The following WIPF3 variants were observed in gnomAD, a reference collection of about 807,000 sequenced individuals.
WIPF3 encodes the protein WAS/WASL interacting protein family member 3, also known as WAS/WASL-interacting protein family member 3.
Under a neutral mutation model 38.9 loss-of-function variants are expected in WIPF3, and 33 were observed. The observed-to-expected ratio is 0.85, with a 90% CI of 0.64 to 1.14. WIPF3 has a LOEUF of 1.14. Among genes scored for constraint, WIPF3 ranks in the 50% most tolerant of loss-of-function variants. The pLI is 0.00. For missense variants in WIPF3, 711 were observed against 652.5 expected, an observed-to-expected ratio of 1.09 and a Z score of -0.98; for synonymous variants, 324 against 269.3, an observed-to-expected ratio of 1.20 and a Z score of -1.99.
At chr7:29,877,518 G>GTTA (rs1234687112) in intron 3 of WIPF3, among the ~76,000 whole-genome samples, 1 of 152,144 alleles carries the variant, frequency 6.6e-6, no homozygotes, top group Admixed American at 6.5e-5. Flanking sequence ...TTTTTGCTGT[G>GTTA]TTAATGGTAT....
intron 4 of WIPF3, among the ~76,000 whole-genome samples, chr7:29,880,838 CA>C (rs1391557163): frequency 1.3e-5 from 2 of 152,164 alleles, no homozygotes; most frequent in Non-Finnish European, 2.9e-5. Context: ...CATGTCAGGG[CA>C]AGGCAGGCCG....
chr7:29,849,283 A>G (rs1250683853), intron 2 of WIPF3, among the ~76,000 whole-genome samples: 2 of 152,138 alleles, frequency 1.3e-5, no homozygotes, highest in Admixed American at 6.6e-5. Flanking sequence ...AGCAACAGGA[A>G]TGTCAGAGAA....
Position 29,806,574 on chromosome 7 carries a change from T to C in WIPF3, c.-162T>C, listed in dbSNP as rs1784281334. The C allele has an allele frequency of 6.6e-6, 1 of 150,986 alleles. No homozygotes were observed. The highest frequency in any genetic ancestry group is 2.4e-5 in the African/African-American group (1 of 41,186). The allele number at this position is 150,986 out of a possible 1,614,324, so 9.4% of individuals were successfully genotyped here. A position where few individuals can be genotyped will look rare whatever the true frequency, so the allele number is the denominator to read the frequency against. On this transcript the variant is annotated 5_prime_UTR_variant, in exon 1 of 9. Coordinates refer to ENST00000242140, the MANE Select transcript of WIPF3 (RefSeq NM_001080529.3). ...GCAGCTCGGCGGTAGCGGCGCCGCT[T>C]GGAGCACGGGCGCTGCGGGACGGAG...
intron 5 of WIPF3, among the ~76,000 whole-genome samples, chr7:29,887,022 G>A (rs1023871698): frequency 4.6e-5 from 7 of 152,328 alleles, no homozygotes; most frequent in African/African-American, 1.7e-4. Flanking sequence ...AGGCAGTTGG[G>A]AGGAAGAAAA....
intron 5 of WIPF3, 148 bp from the exon 6 acceptor site, chr7:29,887,920 G>A (rs1785915626): frequency 1.1e-6 from 1 of 914,786 alleles, no homozygotes; most frequent in Non-Finnish European, 1.6e-6. Flanking sequence ...CTGCAATTCA[G>A]TGCCAAGCAG....
chr7:29,852,265 C>T (rs183941400), intron 2 of WIPF3, among the ~76,000 whole-genome samples: 2 of 152,326 alleles, frequency 1.3e-5, no homozygotes, highest in African/African-American at 4.8e-5. Context: ...CTTGGCCTCC[C>T]AAAGCATAGG....
chr7:29,813,370 AAGCCCAGCATTTGAC>A (rs1784410075), intron 1 of WIPF3, among the ~76,000 whole-genome samples: 1 of 152,156 alleles, frequency 6.6e-6, no homozygotes, highest in African/African-American at 2.4e-5. Flanking sequence ...TAAGGTCCAA[AAGCCCAGCATTTGAC>A]AGCCTGGCAT....
At chr7:29,872,728 G>T (rs887395237) in intron 2 of WIPF3, among the ~76,000 whole-genome samples, 2 of 147,856 alleles carry the variant, frequency 1.4e-5, no homozygotes, top group African/African-American at 5.0e-5. Context: ...CCCGGGAAGC[G>T]GAGCTTGCAG....
chr7:29,865,072 C>G (rs1033668275), intron 2 of WIPF3, among the ~76,000 whole-genome samples: 5 of 152,192 alleles, frequency 3.3e-5, no homozygotes, highest in Non-Finnish European at 7.3e-5. Context: ...CTCCTTTAAT[C>G]TGCACTACAA....
rs539781648 is a variant in WIPF3 at position 29,842,793 on chromosome 7, G to A, written c.90+7979G>A. Reference sequence around the variant, plus strand: ...GGGGCAGAGGGTCGCTAGGTGGAAGGGTGCTTAGTAGAATTGCATATTGCA... The same window carrying A: ...GGGGCAGAGGGTCGCTAGGTGGAAGAGTGCTTAGTAGAATTGCATATTGCA... On this transcript the variant is annotated intron_variant, in intron 2 of 8. Coordinates refer to ENST00000242140, the MANE Select transcript of WIPF3 (RefSeq NM_001080529.3). Among the ~76,000 whole-genome samples the A allele has an allele frequency of 7.9e-5, 12 of 152,244 alleles. No homozygotes were observed. In the East Asian group the frequency reaches 1.3e-3, roughly 17 times the overall value.
At chr7:29,889,918 T>G (rs961936773) in intron 7 of WIPF3, among the ~76,000 whole-genome samples, 2 of 152,090 alleles carry the variant, frequency 1.3e-5, no homozygotes, top group Non-Finnish European at 2.9e-5. Flanking sequence ...AATATCAAGG[T>G]GTCAGGATTT....
Position 29,897,177 on chromosome 7 carries a change from A to C in WIPF3, c.1352-7109A>C, listed in dbSNP as rs553001842. ...ATATGTCAAAATTTATTTCCTTTTTAAGGCTGAATAGTATTCCATCGTATG... is the reference window on the plus strand; with the variant it reads ...ATATGTCAAAATTTATTTCCTTTTTCAGGCTGAATAGTATTCCATCGTATG... On this transcript the variant is annotated intron_variant, in intron 7 of 8. Coordinates refer to ENST00000242140, the MANE Select transcript of WIPF3 (RefSeq NM_001080529.3). 7.2e-5 allele frequency among the ~76,000 whole-genome samples: 11 copies of C among 152,306 alleles called. No homozygotes were observed. In the South Asian group the frequency reaches 1.9e-3, roughly 26 times the overall value.
At chr7:29,914,235 A>G (rs1019221689) in intron 8 of WIPF3, among the ~76,000 whole-genome samples, 2 of 152,078 alleles carry the variant, frequency 1.3e-5, no homozygotes, top group African/African-American at 4.8e-5. Context: ...TGAATTGCTG[A>G]TGATTGGTTC....
rs1015976009 is a variant in WIPF3 at position 29,806,644 on chromosome 7, G to A, written c.-92G>A. The A allele has an allele frequency of 6.6e-6, 1 of 151,524 alleles. No homozygotes were observed. The highest frequency in any genetic ancestry group is 2.4e-5 in the African/African-American group (1 of 41,374). 9.4% of individuals were successfully genotyped at this position (151,524 alleles called of 1,614,324 possible). ...GCGGCGGAGACGTCGGCCGGAGCTC[G>A]AGTCCAGTCCAGCCCCCGGCTCCGC... On this transcript the variant is annotated 5_prime_UTR_variant, in exon 1 of 9. Transcript: ENST00000242140.
intron 7 of WIPF3, among the ~76,000 whole-genome samples, chr7:29,893,545 C>T (rs775061087): frequency 2.6e-5 from 4 of 152,062 alleles, no homozygotes; most frequent in African/African-American, 9.7e-5. Flanking sequence ...CAGCCAGGCC[C>T]GTGCAAGCAT....
chr7:29,854,622 G>T (rs780601166), intron 2 of WIPF3, among the ~76,000 whole-genome samples: 1 of 152,264 alleles, frequency 6.6e-6, no homozygotes, highest in South Asian at 2.1e-4. Flanking sequence ...CAGGTCGCTT[G>T]TTCACAATTA....
chr7:29,815,450 T>C (rs888703599), intron 1 of WIPF3, among the ~76,000 whole-genome samples: 1 of 152,206 alleles, frequency 6.6e-6, no homozygotes, highest in Non-Finnish European at 1.5e-5. Context: ...TTGTCCTTCC[T>C]GGCATGCATG....
rs543723994 is a variant in WIPF3, at chr7:29,901,383, ATTTTTTTTTTTT to A, written c.1352-2887_1352-2876del. 7.8e-3 allele frequency among the ~76,000 whole-genome samples: 956 copies of A among 122,190 alleles called. 9 individuals carry two copies. Among genetic ancestry groups the A allele is most frequent in the African/African-American group, 0.032 (927 of 29,118 alleles). 80.2% of individuals were successfully genotyped at this position (122,190 alleles called of 152,430 possible). A position where few individuals can be genotyped will look rare whatever the true frequency, so the allele number is the denominator to read the frequency against. ...CGGCCACTCACTTCTAGCAGCAGTG[ATTTTTTTTTTTT>A]TTTTTTTTTTTTTTTACAAGACAGA... On this transcript the variant is annotated intron_variant, in intron 7 of 8. Coordinates refer to ENST00000242140, the MANE Select transcript of WIPF3 (RefSeq NM_001080529.3).
chr7:29,910,706 A>C (rs528055791), intron 8 of WIPF3, among the ~76,000 whole-genome samples: 1 of 152,306 alleles, frequency 6.6e-6, no homozygotes, highest in East Asian at 1.9e-4. Flanking sequence ...GCATTTGACA[A>C]AATTGAACAC....
Sources: allele counts gnomAD v4.1 joint callset (sites outside exome capture counted in the v4.1 genomes callset), GRCh38; gene constraint gnomAD v4.1.1; transcripts MANE v1.5; gene names NCBI Gene and HGNC (gene_info 2026-07-23, HGNC 2026-07-21).